Variants in CLDN14 observed in about 807,000 individuals in gnomAD.
CLDN14 encodes the protein claudin 14.
A neutral mutation model predicts 2.1 loss-of-function variants in CLDN14; 2 were observed. The observed-to-expected ratio is 0.96, with a 90% CI of 0.39 to 3.01. The LOEUF is 3.01. CLDN14 is among the 30% of genes most tolerant of loss of function. CLDN14 has a pLI of 0.09. For missense variants in CLDN14, 298 were observed against 328.0 expected (o/e 0.91, Z 0.71); for synonymous variants, 136 against 154.4 (o/e 0.88, Z 0.88).
At chr21:36,482,187 G>A (rs571384264), upstream of CLDN14, among the ~76,000 whole-genome samples, 7 of 152,304 alleles carry the variant, frequency 4.6e-5, no homozygotes, top group East Asian at 3.9e-4. Flanking sequence ...GTAAAACTTC[G>A]AATGCCAATC....
chr21:36,480,682 G>A (rs924970373), upstream of CLDN14: 4 of 152,166 alleles, frequency 2.6e-5, no homozygotes, highest in African/African-American at 7.2e-5. Flanking sequence ...CGTTGTGGGC[G>A]ATTCTGGAAT....
At position 36,498,308 on chromosome 21, in the gene CLDN14, T is replaced by C. The variant is rs2146473488; in HGVS notation, c.-82+12055A>G. On this transcript the variant is annotated intron_variant, in intron 2 of 2. Coordinates refer to the CLDN14 transcript ENST00000342108. This position sits in a 1 kb window ranked among gnomAD's most constrained non-coding sequence, Gnocchi z 4.9. Reference sequence around the variant, plus strand: ...GAGCCACTGCGCCCAGACAGGAAGATGCGTTTGTGAGCCGGGACAATTGTG... The same window carrying C: ...GAGCCACTGCGCCCAGACAGGAAGACGCGTTTGTGAGCCGGGACAATTGTG... Among the ~76,000 whole-genome samples the C allele has an allele frequency of 6.6e-6, 1 of 152,206 alleles. No homozygotes were observed. Among genetic ancestry groups the C allele is most frequent in the East Asian group, 1.9e-4 (1 of 5,168 alleles).
At position 36,561,195 on chromosome 21, in the gene CLDN14, G is replaced by A. The variant is rs1460469896; in HGVS notation, c.-220+15216C>T. ...CTCCAAGGGCTTAACTAGACCTATC[G>A]GTTAAGCAGTGTCTGGGCCTGTGGA... On this transcript the variant is annotated intron_variant, in intron 1 of 2. Coordinates refer to the CLDN14 transcript ENST00000342108. Among the ~76,000 whole-genome samples, 4 of 152,124 alleles carry A rather than the reference G, an allele frequency of 2.6e-5. No homozygotes were observed. In the South Asian group the frequency reaches 6.2e-4, roughly 24 times the overall value.
At chr21:36,564,580 A>G (rs1159961546) in intron 1 of CLDN14, among the ~76,000 whole-genome samples, 2 of 152,210 alleles carry the variant, frequency 1.3e-5, no homozygotes, top group Non-Finnish European at 2.9e-5. Context: ...AGTCAATTCC[A>G]GGGCGTTTCA....
At chr21:36,530,873 T>G (rs1244778752) in intron 1 of CLDN14, among the ~76,000 whole-genome samples, 1 of 152,148 alleles carries the variant, frequency 6.6e-6, no homozygotes, top group African/African-American at 2.4e-5. Context: ...AACAACAAGA[T>G]GCAAAACAGA....
At position 36,499,587 on chromosome 21, in the gene CLDN14, C is replaced by A. The variant is rs147498900; in HGVS notation, c.-82+10776G>T. On this transcript the variant is annotated intron_variant, in intron 2 of 2. Coordinates refer to the CLDN14 transcript ENST00000342108. This position sits in a 1 kb window ranked among gnomAD's most constrained non-coding sequence, Gnocchi z 4.7. ...TACCAGGGCCCCAACCCAGACCTAC[C>A]GAATCAGAATTTCAGGAGGGGAGGT... Among the ~76,000 whole-genome samples, 1 of 152,096 alleles carries A rather than the reference C, an allele frequency of 6.6e-6. No homozygotes were observed. Among genetic ancestry groups the A allele is most frequent in the African/African-American group, 2.4e-5 (1 of 41,420 alleles).
chr21:36,543,430 A>G (rs935808033), intron 1 of CLDN14, among the ~76,000 whole-genome samples: 3 of 152,226 alleles, frequency 2.0e-5, no homozygotes, highest in Non-Finnish European at 4.4e-5. Flanking sequence ...GGAGAGGCAA[A>G]CAAAAGAGAG....
At chr21:36,565,626 A>C (rs1380135539) in intron 1 of CLDN14, among the ~76,000 whole-genome samples, 1 of 152,184 alleles carries the variant, frequency 6.6e-6, no homozygotes, top group East Asian at 1.9e-4. Flanking sequence ...CACAGTCTGC[A>C]CAGGGTGGGC....
Position 36,460,915 on chromosome 21 carries a change from T to C in CLDN14, c.*61A>G, listed in dbSNP as rs2086557540. 4 of 1,578,208 alleles carry C rather than the reference T, an allele frequency of 2.5e-6. No individual in the cohort carries two copies. Among genetic ancestry groups the C allele is most frequent in the South Asian group, 2.3e-5 (2 of 87,852 alleles). On this transcript the variant is annotated 3_prime_UTR_variant, in exon 2 of 2. Coordinates refer to ENST00000399135, the MANE Select transcript of CLDN14 (RefSeq NM_001146079.2). The surrounding 1 kb of genome is among the most constrained non-coding windows in gnomAD (Gnocchi z 4.0). ...CTTTGTGCTGGAACCCCTGCCTCCA[T>C]TGACAGTCCCGCCGGGGACCCAGCC...
intron 1 of CLDN14, chr21:36,542,927 C>A (rs569375215): frequency 6.5e-6 from 1 of 152,718 alleles, no homozygotes; most frequent in South Asian, 2.1e-4. Context: ...GTGCAAAATG[C>A]CTTGCAGCCT....
intron 2 of CLDN14, among the ~76,000 whole-genome samples, chr21:36,490,271 G>A (rs7280480): frequency 0.016 from 2,411 of 152,164 alleles, 55 homozygotes; most frequent in African/African-American, 0.047. Context: ...TGGCTCGACC[G>A]TGGGTCACCG....
At chr21:36,571,345 T>A (rs758888582) in intron 1 of CLDN14, among the ~76,000 whole-genome samples, 1 of 152,184 alleles carries the variant, frequency 6.6e-6, no homozygotes, top group African/African-American at 2.4e-5. Context: ...TGGTTAACAG[T>A]ATGTAAGGTT....
intron 1 of CLDN14, among the ~76,000 whole-genome samples, chr21:36,475,292 C>A (rs963321398): frequency 1.3e-5 from 2 of 152,148 alleles, no homozygotes; most frequent in Non-Finnish European, 2.9e-5. Context: ...TCATGGCGGG[C>A]CGTGGCGTCA....
chr21:36,525,146 T>C (rs1601623653), intron 1 of CLDN14, among the ~76,000 whole-genome samples: 1 of 152,082 alleles, frequency 6.6e-6, no homozygotes, highest in East Asian at 1.9e-4. Context: ...CAGACACTGA[T>C]GTCCTACCCA....
At chr21:36,476,303 G>A (rs1477986662) in intron 1 of CLDN14, among the ~76,000 whole-genome samples, 1 of 152,076 alleles carries the variant, frequency 6.6e-6, no homozygotes, top group Non-Finnish European at 1.5e-5. Context: ...GCTGCCTTCT[G>A]GCTCTTACCT....
Position 36,544,879 on chromosome 21 carries a change from A to G in CLDN14, c.-220+31532T>C, listed in dbSNP as rs1256420462. On this transcript the variant is annotated intron_variant, in intron 1 of 2. Transcript: ENST00000342108. This position sits in a 1 kb window ranked among gnomAD's most constrained non-coding sequence, Gnocchi z 4.1. ...TTGCTGAAAGTAACTTAATAACAAA[A>G]CCACAATGCTCTCTGTTATTAATCC... Among the ~76,000 whole-genome samples the G allele has an allele frequency of 6.6e-6, 1 of 152,156 alleles. No individual in the cohort carries two copies. The highest frequency in any genetic ancestry group is 1.9e-4 in the East Asian group (1 of 5,194).
chr21:36,553,839 T>A (rs2087579253), intron 1 of CLDN14, among the ~76,000 whole-genome samples: 1 of 152,136 alleles, frequency 6.6e-6, no homozygotes, highest in South Asian at 2.1e-4. Flanking sequence ...TCATTCCATC[T>A]GTGGAGACAA....
Position 36,507,486 on chromosome 21 carries a change from G to T in CLDN14, c.-82+2877C>A, listed in dbSNP as rs575617501. 7.9e-5 allele frequency among the ~76,000 whole-genome samples: 12 copies of T among 152,258 alleles called. No individual in the cohort carries two copies. The South Asian group carries it at 1.5e-3, about 18-fold the overall frequency. On this transcript the variant is annotated intron_variant, in intron 2 of 2. Transcript: ENST00000342108. ...TTACTTCAATAAAAAAAGGTTGACC[G>T]GACGTGGTGGCTCACACCTGTAATC...
chr21:36,522,057 T>A (rs1372857705), intron 1 of CLDN14, among the ~76,000 whole-genome samples: 1 of 152,110 alleles, frequency 6.6e-6, no homozygotes, highest in Non-Finnish European at 1.5e-5. Flanking sequence ...AAAATAAAGG[T>A]CTGCAACTCC....
Sources: allele counts gnomAD v4.1 joint callset (sites outside exome capture counted in the v4.1 genomes callset), GRCh38; gene constraint gnomAD v4.1.1; non-coding constraint Gnocchi (gnomAD v3.1); transcripts MANE v1.5; gene names NCBI Gene and HGNC (gene_info 2026-07-23, HGNC 2026-07-21).